The following STOX2 variants were observed in gnomAD, a reference collection of about 807,000 sequenced individuals.
The protein encoded by STOX2 is storkhead box 2.
STOX2 carries 28 observed loss-of-function variants against 60.9 expected under a neutral mutation model. The observed-to-expected ratio is 0.46, with a 90% CI of 0.34 to 0.63. STOX2 has a LOEUF of 0.63. STOX2 is among the 30% of genes least tolerant of loss of function. The pLI is 0.01. For synonymous variants in STOX2, 472 were observed against 463.9 expected, an observed-to-expected ratio of 1.02 and a Z score of -0.22; for missense variants, 1,024 against 1,187.7, an observed-to-expected ratio of 0.86 and a Z score of 2.03.
At chr4:183,915,635 C>A (rs1459205630) in intron 1 of STOX2, among the ~76,000 whole-genome samples, 1 of 152,146 alleles carries the variant, frequency 6.6e-6, no homozygotes, top group Non-Finnish European at 1.5e-5. Context: ...AGCCCTAGAT[C>A]CACATGACTG....
At chr4:183,892,364 C>T (rs1741238918) in intron 1 of STOX2, among the ~76,000 whole-genome samples, 1 of 152,164 alleles carries the variant, frequency 6.6e-6, no homozygotes, top group African/African-American at 2.4e-5. Flanking sequence ...CTGCAAGCTC[C>T]GCCTCCCGGG....
chr4:183,953,792 CT>C (rs1239372600), intron 1 of STOX2, among the ~76,000 whole-genome samples: 8 of 152,222 alleles, frequency 5.3e-5, no homozygotes, highest in East Asian at 3.9e-4. Context: ...TCTTGAACTC[CT>C]GACCTCAAGT....
chr4:183,991,520 T>G (rs1733105192), intron 1 of STOX2, among the ~76,000 whole-genome samples: 1 of 151,828 alleles, frequency 6.6e-6, no homozygotes, highest in Non-Finnish European at 1.5e-5. Context: ...CTCCGCCTCC[T>G]GGGTTCAAGT....
intron 1 of STOX2, among the ~76,000 whole-genome samples, chr4:183,949,081 AT>A (rs565056788): frequency 7.4e-5 from 11 of 149,022 alleles, no homozygotes; most frequent in Non-Finnish European, 1.0e-4. Flanking sequence ...TAGTTTTCAT[AT>A]TTTTTTTTTA....
intron 1 of STOX2, among the ~76,000 whole-genome samples, chr4:183,947,086 TGG>T (rs1007602964): frequency 2.2e-4 from 3 of 13,350 alleles, no homozygotes; most frequent in African/African-American, 3.0e-4. Context: ...TGGTGGGGGG[TGG>T]GGCAAGGGGG....
intron 1 of STOX2, 50 bp downstream of exon 1, chr4:183,907,006 C>G: frequency 6.9e-7 from 1 of 1,440,980 alleles, no homozygotes; most frequent in Non-Finnish European, 9.3e-7. Context: ...GCGGGACGTG[C>G]TCGGTACGCC....
intron 1 of STOX2, among the ~76,000 whole-genome samples, chr4:183,827,635 G>A (rs1270444965): frequency 6.6e-6 from 1 of 152,072 alleles, no homozygotes; most frequent in Non-Finnish European, 1.5e-5. Flanking sequence ...GGGTTATTTT[G>A]AAACAAATCT....
At chr4:183,989,201 T>C (rs1732992584) in intron 1 of STOX2, among the ~76,000 whole-genome samples, 1 of 146,178 alleles carries the variant, frequency 6.8e-6, no homozygotes, top group Non-Finnish European at 1.5e-5. Context: ...TTTGTTTGTT[T>C]GGTTTGGTTT....
At chr4:183,966,289 A>T (rs1051332574) in intron 1 of STOX2, among the ~76,000 whole-genome samples, 9 of 152,228 alleles carry the variant, frequency 5.9e-5, no homozygotes, top group Non-Finnish European at 8.8e-5. Context: ...ACGCCAGCAG[A>T]GGAAACAGTT....
rs763047191 is a variant in STOX2 at position 184,010,507 on chromosome 4, C to T, written c.1669C>T (p.Pro557Ser). ...CACAAGCTATAAAGAGGTGTGTATT[C>T]CAGAGATAGTCAGTGGCAGCAAGGA... ...SSTSYKEVCI[P>S]EIVSGSKEPS... Residue 557 changes from proline (P) to serine (S), a missense_variant, in exon 3 of 4, where the codon CCA becomes TCA. Physicochemically the swap from Pro to Ser is moderately conservative, Grantham distance 74. Transcript: ENST00000308497. The surrounding 1 kb of genome is among the most constrained non-coding windows in gnomAD (Gnocchi z 4.5). The T allele has an allele frequency of 2.5e-6, 4 of 1,613,710 alleles. No individual in the cohort carries two copies. Among genetic ancestry groups the T allele is most frequent in the Non-Finnish European group, 3.4e-6 (4 of 1,179,832 alleles).
At chr4:183,838,293 A>G (rs1247724786) in intron 1 of STOX2, among the ~76,000 whole-genome samples, 1 of 151,194 alleles carries the variant, frequency 6.6e-6, no homozygotes, top group African/African-American at 2.4e-5. Flanking sequence ...AAATAATTCA[A>G]TACATATATT....
intron 1 of STOX2, among the ~76,000 whole-genome samples, chr4:183,983,114 C>T (rs888640719): frequency 6.6e-6 from 1 of 152,126 alleles, no homozygotes; most frequent in African/African-American, 2.4e-5. Flanking sequence ...ACTGTCTAAC[C>T]ACATCGTCTC....
chr4:183,828,451 C>T (rs1739486260), intron 1 of STOX2, among the ~76,000 whole-genome samples: 1 of 152,054 alleles, frequency 6.6e-6, no homozygotes, highest in African/African-American at 2.4e-5. Context: ...TTTCATTCTT[C>T]GTCTCTACCC....
At position 183,857,736 on chromosome 4, in the gene STOX2, G is replaced by A. The variant is rs527334611; in HGVS notation, c.364+59681G>A. Among the ~76,000 whole-genome samples, 15 of 152,206 alleles carry A rather than the reference G, an allele frequency of 9.9e-5. 1 individual carries two copies. In the South Asian group the frequency reaches 2.7e-3, roughly 27 times the overall value. ...CCAGCTCTGCCCCAGTGCTGCTGGT[G>A]TCCCTGTCTGCTTTGCAGCCCCCCT... is the stretch of plus-strand genomic sequence containing the variant. On this transcript the variant is annotated intron_variant, in intron 1 of 2. Coordinates refer to the STOX2 transcript ENST00000513034.
chr4:184,014,445 G>C (rs1734284825), intron 3 of STOX2: 2 of 152,056 alleles, frequency 1.3e-5, no homozygotes, highest in African/African-American at 4.8e-5. Flanking sequence ...AACGTGTGCT[G>C]TAGACGCCTG....
intron 1 of STOX2, among the ~76,000 whole-genome samples, chr4:183,960,986 A>G (rs1405004032): frequency 6.6e-6 from 1 of 152,232 alleles, no homozygotes; most frequent in Non-Finnish European, 1.5e-5. Context: ...ACAGAGACAC[A>G]TGAGCTACAC....
intron 1 of STOX2, among the ~76,000 whole-genome samples, chr4:183,943,490 G>T (rs1742803995): frequency 6.6e-6 from 1 of 152,030 alleles, no homozygotes; most frequent in Non-Finnish European, 1.5e-5. Flanking sequence ...ATACTGTTCT[G>T]CTAACTGTTG....
chr4:183,888,575 C>A (rs1459851473), intron 1 of STOX2, among the ~76,000 whole-genome samples: 2 of 152,192 alleles, frequency 1.3e-5, no homozygotes, highest in African/African-American at 4.8e-5. Flanking sequence ...GGGCTCGAGG[C>A]TGGTACTGAG....
Position 183,836,699 on chromosome 4 carries a change from C to T in STOX2, c.364+38644C>T, listed in dbSNP as rs560259099. On this transcript the variant is annotated intron_variant, in intron 1 of 2. Transcript: ENST00000513034. This position sits in a 1 kb window ranked among gnomAD's most constrained non-coding sequence, Gnocchi z 4.1. ...CCATCGCAGTCACCGTCTCCCATTT[C>T]GTGGCAGGGTCAGTGACTTCTCGTG... 1.5e-4 allele frequency among the ~76,000 whole-genome samples: 23 copies of T among 152,260 alleles called. No homozygotes were observed. In the East Asian group the frequency reaches 1.7e-3, roughly 11 times the overall value.
Sources: allele counts gnomAD v4.1 joint callset (sites outside exome capture counted in the v4.1 genomes callset), GRCh38; gene constraint gnomAD v4.1.1; non-coding constraint Gnocchi (gnomAD v3.1); transcripts MANE v1.5; gene names NCBI Gene and HGNC (gene_info 2026-07-23, HGNC 2026-07-21).